ARFGEF3: variants seen among roughly 807,000 people sequenced by gnomAD.
The protein encoded by ARFGEF3 is brefeldin A-inhibited guanine nucleotide-exchange protein 3.
In ARFGEF3, 96 loss-of-function variants were observed where a neutral mutation model predicts 221.7. The observed-to-expected ratio is 0.43, with a 90% CI of 0.37 to 0.51. The LOEUF is 0.51. ARFGEF3 is among the 20% of genes least tolerant of loss of function. ARFGEF3 has a pLI of 0.00. For missense variants in ARFGEF3, 2,410 were observed against 2,789.9 expected, an observed-to-expected ratio of 0.86 and a Z score of 3.07; for synonymous variants, 1,145 against 1,126.8, an observed-to-expected ratio of 1.02 and a Z score of -0.32.
At chr6:138,230,057 C>T (rs1778164001) in intron 5 of ARFGEF3, among the ~76,000 whole-genome samples, 1 of 152,114 alleles carries the variant, frequency 6.6e-6, no homozygotes, top group African/African-American at 2.4e-5. Flanking sequence ...TCTCAGAGCC[C>T]TGCATGCTTA....
chr6:138,333,041 G>A (rs1011201449), intron 32 of ARFGEF3, among the ~76,000 whole-genome samples: 4 of 152,274 alleles, frequency 2.6e-5, no homozygotes, highest in South Asian at 2.1e-4. Context: ...AATTAATAAC[G>A]GTTGTCATAA....
chr6:138,238,563 G>C lies in ARFGEF3; in HGVS notation c.475G>C (p.Val159Leu). 6.2e-7 allele frequency: 1 copy of C among 1,613,816 alleles called. No individual in the cohort carries two copies. Among genetic ancestry groups the C allele is most frequent in the Non-Finnish European group, 8.5e-7 (1 of 1,179,760 alleles). ...SCHQRSINTA[V>L]RATLSQMLSD... ...TCACCAGCGTAGCATAAACACTGCT[G>C]TGCGGGCAACTCTCAGTCAAATGCT... Residue 159 changes from valine (V) to leucine (L), a missense_variant, in exon 6 of 34, where the codon GTG becomes CTG. By Grantham distance (32) the Val-to-Leu change is conservative. Coordinates refer to ENST00000251691, the MANE Select transcript of ARFGEF3 (RefSeq NM_020340.5).
At chr6:138,236,344 A>C (rs1369093475) in intron 5 of ARFGEF3, among the ~76,000 whole-genome samples, 1 of 152,238 alleles carries the variant, frequency 6.6e-6, no homozygotes, top group Non-Finnish European at 1.5e-5. Context: ...TTTAAAGAAA[A>C]CTGTTAAATT....
chr6:138,192,670 C>T lies in ARFGEF3; in HGVS notation c.138-14372C>T, dbSNP rs894583370. Among the ~76,000 whole-genome samples, 4 of 152,304 alleles carry T rather than the reference C, an allele frequency of 2.6e-5. No homozygotes were observed. In the East Asian group the frequency reaches 7.7e-4, roughly 29 times the overall value. ...CTGAGGTGTCCATGTTGCTGAGACC[C>T]CTTGCAGGACAAGACAGAGCTGGGG... On this transcript the variant is annotated intron_variant, in intron 2 of 33. Coordinates refer to ENST00000251691, the MANE Select transcript of ARFGEF3 (RefSeq NM_020340.5).
chr6:138,342,367 G>A lies in ARFGEF3; in HGVS notation c.*5881G>A, dbSNP rs1191556206. On this transcript the variant is annotated 3_prime_UTR_variant, in exon 34 of 34. Coordinates refer to ENST00000251691, the MANE Select transcript of ARFGEF3 (RefSeq NM_020340.5). The stretch of plus-strand genomic sequence containing the variant: ...TTAAGATCAGCCTGACTTATCAAAC[G>A]CTAGAGAAAAACTGAATCTACCCTT... 6.6e-6 allele frequency: 1 copy of A among 152,080 alleles called. No individual in the cohort carries two copies. The allele number at this position is 152,080 out of a possible 1,614,324, so 9.4% of individuals were successfully genotyped here.
At chr6:138,304,582 C>T (rs1030843351) in intron 22 of ARFGEF3, among the ~76,000 whole-genome samples, 2 of 152,224 alleles carry the variant, frequency 1.3e-5, no homozygotes, top group South Asian at 2.1e-4. Flanking sequence ...AGGTATATCA[C>T]GTGAATTCAG....
At chr6:138,281,776 A>G (rs551464196) in intron 14 of ARFGEF3, among the ~76,000 whole-genome samples, 2 of 152,336 alleles carry the variant, frequency 1.3e-5, no homozygotes, top group Non-Finnish European at 2.9e-5. Flanking sequence ...GTGGTGCAGT[A>G]TTTTTTGGCA....
At chr6:138,205,622 C>T (rs1443033875) in intron 2 of ARFGEF3, among the ~76,000 whole-genome samples, 6 of 152,044 alleles carry the variant, frequency 3.9e-5, no homozygotes, top group African/African-American at 9.7e-5. Flanking sequence ...TGTGACAAGC[C>T]GACAGTAAGA....
In ARFGEF3 at chr6:138,265,901, A is replaced by AT. The variant is rs577217932; in HGVS notation, c.2128+2300dup. On this transcript the variant is annotated intron_variant, in intron 12 of 33. Transcript: ENST00000251691. ...ACTATACGCACCACCACACCCAGCAATTTTTTTTTTAATTTTATAGATACA... is the reference window on the plus strand; with the variant it reads ...ACTATACGCACCACCACACCCAGCAATTTTTTTTTTTAATTTTATAGATACA... Among the ~76,000 whole-genome samples the AT allele has an allele frequency of 3.9e-4, 58 of 150,340 alleles. 1 individual carries two copies. Among genetic ancestry groups the AT allele is most frequent in the African/African-American group, 1.3e-3 (53 of 41,016 alleles).
intron 4 of ARFGEF3, among the ~76,000 whole-genome samples, chr6:138,213,412 C>T (rs964962743): frequency 4.0e-5 from 6 of 150,214 alleles, no homozygotes; most frequent in Non-Finnish European, 7.4e-5. Context: ...GAGCCGAGAT[C>T]GTACCACTGC....
intron 4 of ARFGEF3, chr6:138,216,632 A>G (rs1436153045): frequency 1.3e-5 from 2 of 152,186 alleles, no homozygotes; most frequent in Admixed American, 1.3e-4. Flanking sequence ...AAAGAATGTG[A>G]TCATTAGTGA....
At chr6:138,302,986 T>G (rs567498796) in intron 22 of ARFGEF3, among the ~76,000 whole-genome samples, 2 of 152,286 alleles carry the variant, frequency 1.3e-5, no homozygotes, top group Non-Finnish European at 1.5e-5. Context: ...GTGTGTGCAT[T>G]TTTCCCTTTC....
intron 12 of ARFGEF3, 124 bp downstream of exon 12, chr6:138,263,735 C>T: frequency 1.0e-6 from 1 of 952,844 alleles, no homozygotes. Flanking sequence ...CTTTGGGTTT[C>T]CCCAGTTTAA....
At chr6:138,320,902 T>G (rs569625943) in intron 28 of ARFGEF3, among the ~76,000 whole-genome samples, 3 of 150,488 alleles carry the variant, frequency 2.0e-5, no homozygotes, top group Non-Finnish European at 4.4e-5. Context: ...CATGCTGAAA[T>G]TGGGTAAAAA....
At chr6:138,270,820 G>C (rs1267243380) in intron 12 of ARFGEF3, among the ~76,000 whole-genome samples, 1 of 152,156 alleles carries the variant, frequency 6.6e-6, no homozygotes, top group African/African-American at 2.4e-5. Context: ...GGTGGGAAGA[G>C]GCGGAATAGA....
Position 138,323,980 on chromosome 6 carries a change from T to C in ARFGEF3, c.4870-43T>C, listed in dbSNP as rs771004873. 5.6e-6 allele frequency: 9 copies of C among 1,600,882 alleles called. No homozygotes were observed. The East Asian group carries it at 1.3e-4, about 24-fold the overall frequency. On this transcript the variant is annotated intron_variant, in intron 30 of 33. Coordinates refer to ENST00000251691, the MANE Select transcript of ARFGEF3 (RefSeq NM_020340.5). ...CAGATCCAAGACTGAGCCCGGCCCA[T>C]GAACCAGGATGCATTCAGTGAGCAT...
rs149810556 is a variant in ARFGEF3 at position 138,245,583 on chromosome 6, C to T, written c.657C>T (p.Ala219=). 7.6e-5 allele frequency: 123 copies of T among 1,607,878 alleles called. No individual in the cohort carries two copies. In the Middle Eastern group the frequency reaches 4.1e-3, roughly 54 times the overall value. Residue 219 remains alanine (A), a synonymous_variant, in exon 8 of 34, where the codon GCC becomes GCT. Transcript: ENST00000251691. ...VLTVLCEKLQ[A]AINDSQQLQL... ...CCGTCCTGTGTGAGAAGCTGCAAGC[C>T]GCCATAAAGTAAGTGCCCTAACCAC...
intron 4 of ARFGEF3, chr6:138,217,852 A>G (rs1777900625): frequency 1.6e-6 from 2 of 1,277,424 alleles, no homozygotes; most frequent in South Asian, 3.5e-5. Flanking sequence ...CTCCTACATC[A>G]TCAAATTCTT....
chr6:138,283,655 C>G (rs1052007039), intron 14 of ARFGEF3, among the ~76,000 whole-genome samples: 15 of 152,180 alleles, frequency 9.9e-5, no homozygotes, highest in Non-Finnish European at 2.1e-4. Flanking sequence ...GTGGCCATTC[C>G]TGATGTCATG....
Sources: gnomAD v4.1 joint callset for allele counts (sites outside exome capture counted in the v4.1 genomes callset) on GRCh38, gnomAD v4.1.1 for gene constraint, MANE v1.5 for transcripts, NCBI Gene and HGNC (gene_info 2026-07-23, HGNC 2026-07-21) for gene names.